STX6: variants seen among roughly 807,000 people sequenced by gnomAD.
STX6 encodes syntaxin-6.
In STX6, 23 loss-of-function variants were observed where a neutral mutation model predicts 38.0. That is an observed-to-expected ratio of 0.60 (90% CI 0.43 to 0.86). The LOEUF (loss-of-function observed/expected upper bound fraction) is 0.86. Ranked by LOEUF, STX6 falls within the 40% of genes least tolerant of loss-of-function variation. STX6 has a pLI of 0.00. For synonymous variants in STX6, 123 were observed against 107.5 expected (o/e 1.14, Z -0.89); for missense variants, 274 against 312.9 (o/e 0.88, Z 0.94).
In STX6 at chr1:180,988,236, C is replaced by CA; in HGVS notation, c.596+2dup. 1 of 1,611,866 alleles carries CA rather than the reference C, an allele frequency of 6.2e-7. No homozygotes were observed. The highest frequency in any genetic ancestry group is 8.5e-7 in the Non-Finnish European group (1 of 1,178,044). On this transcript the variant is annotated splice_region_variant and intron_variant, in intron 6 of 7. Transcript: ENST00000258301. ...GAAGCGAGAGGGGTGTCTCAATACT[C>CA]ACACTGCCTGTTCCTCCAGCTCCCC...
At chr1:180,993,468 A>C in intron 3 of STX6, 43 bp from the exon 4 acceptor site, 1 of 1,157,324 alleles carries the variant, frequency 8.6e-7, no homozygotes, top group Non-Finnish European at 1.3e-6. Context: ...AAATATCCTT[A>C]AACAAAATCA....
chr1:181,021,115 A>G (rs1049929949), intron 1 of STX6, among the ~76,000 whole-genome samples: 1 of 152,224 alleles, frequency 6.6e-6, no homozygotes, highest in African/African-American at 2.4e-5. Flanking sequence ...GATACCATCA[A>G]GAAAAAAAAA....
intron 1 of STX6, among the ~76,000 whole-genome samples, chr1:181,022,291 C>T (rs1656754911): frequency 6.6e-6 from 1 of 152,200 alleles, no homozygotes; most frequent in East Asian, 1.9e-4. Flanking sequence ...AGCAAGATCC[C>T]ATGCTCGACT....
At chr1:181,014,789 C>T (rs1323549549) in intron 1 of STX6, among the ~76,000 whole-genome samples, 1 of 152,202 alleles carries the variant, frequency 6.6e-6, no homozygotes, top group African/African-American at 2.4e-5. Flanking sequence ...AACACATGCA[C>T]ACCCTTTACT....
chr1:181,020,265 G>A (rs771442400), intron 1 of STX6, among the ~76,000 whole-genome samples: 10 of 152,012 alleles, frequency 6.6e-5, no homozygotes, highest in Non-Finnish European at 1.5e-4. Context: ...AATTATTTCT[G>A]ATGAAAATTT....
At chr1:180,983,877 A>C (rs1203664255) in intron 7 of STX6, among the ~76,000 whole-genome samples, 1 of 151,834 alleles carries the variant, frequency 6.6e-6, no homozygotes, top group Non-Finnish European at 1.5e-5. Flanking sequence ...ATCCTGGCTA[A>C]CACGGTGAAA....
intron 3 of STX6, among the ~76,000 whole-genome samples, chr1:181,000,543 CCTGG>C (rs1396123307): frequency 3.9e-5 from 6 of 152,134 alleles, no homozygotes; most frequent in African/African-American, 1.4e-4. Flanking sequence ...ATTACCTCCA[CCTGG>C]TCTCTCCTTT....
At chr1:181,005,521 A>C in intron 1 of STX6, 58 bp from the exon 2 acceptor site, 6 of 1,547,990 alleles carry the variant, frequency 3.9e-6, no homozygotes, top group Middle Eastern at 1.8e-4. Flanking sequence ...TGGTCAAGTT[A>C]CTGCATGATT....
At chr1:181,008,714 G>A (rs1656301105) in intron 1 of STX6, among the ~76,000 whole-genome samples, 1 of 128,396 alleles carries the variant, frequency 7.8e-6, no homozygotes, top group Non-Finnish European at 1.6e-5. Context: ...GTTGATATAA[G>A]CTTTCCAAAA....
chr1:181,016,912 C>A (rs1656573533), intron 1 of STX6, among the ~76,000 whole-genome samples: 1 of 151,462 alleles, frequency 6.6e-6, no homozygotes, highest in Non-Finnish European at 1.5e-5. Context: ...CACAGTGAAA[C>A]CCTGTCTCTA....
At chr1:180,987,467 C>T (rs1458353955) in intron 6 of STX6, among the ~76,000 whole-genome samples, 1 of 152,242 alleles carries the variant, frequency 6.6e-6, no homozygotes, top group Non-Finnish European at 1.5e-5. Context: ...CTTGTCTGCT[C>T]TGTTCCCTTC....
At chr1:181,019,923 G>C (rs1656676543) in intron 1 of STX6, among the ~76,000 whole-genome samples, 1 of 152,116 alleles carries the variant, frequency 6.6e-6, no homozygotes, top group African/African-American at 2.4e-5. Flanking sequence ...AGCACTTTGG[G>C]AGGCCGAGAC....
rs553599645 is a variant in STX6 at position 180,989,908 on chromosome 1, C to T, written c.489+76G>A. On this transcript the variant is annotated intron_variant, in intron 5 of 7. Transcript: ENST00000258301. ...CCTCCTTGTCACTAAGCCACAAGAC[C>T]CCATGGCTGGCAAAGGAACTAAGGG... is the stretch of plus-strand genomic sequence containing the variant. The T allele has an allele frequency of 1.0e-5, 16 of 1,568,734 alleles. No individual in the cohort carries two copies. The African/African-American group carries it at 1.6e-4, about 16-fold the overall frequency.
chr1:180,991,711 A>G (rs1197734019), intron 4 of STX6, among the ~76,000 whole-genome samples: 1 of 152,200 alleles, frequency 6.6e-6, no homozygotes, highest in Non-Finnish European at 1.5e-5. Context: ...TGTGGGTGCC[A>G]GAGCAGGGGT....
intron 1 of STX6, among the ~76,000 whole-genome samples, chr1:181,009,866 T>C (rs1656343178): frequency 6.6e-6 from 1 of 151,016 alleles, no homozygotes; most frequent in Non-Finnish European, 1.5e-5. Flanking sequence ...CTGTAGTATA[T>C]ATGTATAACA....
At chr1:181,009,553 C>T (rs946210686) in intron 1 of STX6, among the ~76,000 whole-genome samples, 2 of 151,220 alleles carry the variant, frequency 1.3e-5, no homozygotes, top group Non-Finnish European at 2.9e-5. Context: ...GGAAAAGATG[C>T]CCAATATCAT....
chr1:180,983,994 G>A (rs1338140591), intron 7 of STX6, among the ~76,000 whole-genome samples: 1 of 138,828 alleles, frequency 7.2e-6, no homozygotes, highest in African/African-American at 2.7e-5. Context: ...AACCTGGGAG[G>A]TAGAGCTTGC....
chr1:181,021,134 CAGA>C (rs891523273), intron 1 of STX6, among the ~76,000 whole-genome samples: 4 of 152,192 alleles, frequency 2.6e-5, no homozygotes, highest in Non-Finnish European at 4.4e-5. Context: ...AATGCCAAGA[CAGA>C]AGAATTTAGG....
At chr1:180,982,345 C>A (rs1257306651) in intron 7 of STX6, among the ~76,000 whole-genome samples, 1 of 152,166 alleles carries the variant, frequency 6.6e-6, no homozygotes, top group Non-Finnish European at 1.5e-5. Context: ...GGGAGTATTT[C>A]TTTGGGTAGC....
Sources: allele counts gnomAD v4.1 joint callset (sites outside exome capture counted in the v4.1 genomes callset), GRCh38; gene constraint gnomAD v4.1.1; transcripts MANE v1.5; gene names NCBI Gene and HGNC (gene_info 2026-07-23, HGNC 2026-07-21).